The following AHSP variants were observed in gnomAD, a reference collection of about 807,000 sequenced individuals.
The protein encoded by AHSP is alpha-hemoglobin-stabilizing protein.
Under a neutral mutation model 2.7 loss-of-function variants are expected in AHSP, and 5 were observed. The ratio of observed to expected loss-of-function variants is 1.86; its 90% CI spans 0.97 to 3.92. AHSP has a LOEUF of 3.92. AHSP is among the 30% of genes most tolerant of loss of function. The probability of loss-of-function intolerance (pLI) is 0.00; values close to 1 mark genes in which losing one functional copy is unlikely to be tolerated. For synonymous variants in AHSP, 50 were observed against 48.4 expected (o/e 1.03, Z -0.14); for missense variants, 134 against 119.8 (o/e 1.12, Z -0.55).
chr16:31,527,957 C>T lies in AHSP; in HGVS notation c.-10C>T. The T allele has an allele frequency of 1.5e-6, 1 of 661,850 alleles. No individual in the cohort carries two copies. Among genetic ancestry groups the T allele is most frequent in the Non-Finnish European group, 2.8e-6 (1 of 363,528 alleles). 41.0% of individuals were successfully genotyped at this position (661,850 alleles called of 1,614,324 possible). ...GTGAGACATATACAGCCTGTTAGAC[C>T]TGAAGGTGAGCCCAACCTGGGAAAA... On this transcript the variant is annotated 5_prime_UTR_variant, in exon 1 of 3. Coordinates refer to ENST00000302312, the MANE Select transcript of AHSP (RefSeq NM_016633.4).
chr16:31,528,572 G>A lies in AHSP; in HGVS notation c.190G>A (p.Asp64Asn). Residue 64 changes from aspartate (D) to asparagine (N), a missense_variant, in exon 3 of 3, where the codon GAC becomes AAC. Transcript: ENST00000302312. Reference sequence around the variant, plus strand: ...GGTGACAGGGGAGCCCCAAGAGCGAGACAAGGCTCTGCAGGAGCTTCGGCA... The same window carrying A: ...GGTGACAGGGGAGCCCCAAGAGCGAAACAAGGCTCTGCAGGAGCTTCGGCA... ...QQVTGEPQER[D>N]KALQELRQEL... 1 of 1,614,144 alleles carries A rather than the reference G, an allele frequency of 6.2e-7. No homozygotes were observed. The highest frequency in any genetic ancestry group is 1.7e-5 in the Admixed American group (1 of 60,028).
chr16:31,528,214 G>C lies in AHSP; in HGVS notation c.75G>C (p.Gln25His). Residue 25 changes from glutamine to histidine, a missense_variant and splice_region_variant, in exon 2 of 3, where the codon CAG becomes CAC. By Grantham distance (24) the Gln-to-His change is conservative (BLOSUM62 0). Coordinates refer to ENST00000302312, the MANE Select transcript of AHSP (RefSeq NM_016633.4). ...LKEFSVLLNQ[Q>H]VFNDPLVSEE... ...AGTTCAGCGTTCTGCTGAATCAGCA[G>C]GTGAGTCCAAGCTTTCCATTTCAAA... The C allele has an allele frequency of 6.2e-7, 1 of 1,613,774 alleles. No individual in the cohort carries two copies.
rs952186764 is a variant in AHSP at position 31,528,449 on chromosome 16, A to C, written c.76-9A>C. 11 of 1,613,106 alleles carry C rather than the reference A, an allele frequency of 6.8e-6. No homozygotes were observed. In the Admixed American group the frequency reaches 1.5e-4, roughly 22 times the overall value. ...CTCCCTTGCCAACTGCCTCTCCGCA[A>C]CCCCCCAGGTCTTCAATGATCCTCT... On this transcript the variant is annotated splice_polypyrimidine_tract_variant and intron_variant, in intron 2 of 2. Coordinates refer to ENST00000302312, the MANE Select transcript of AHSP (RefSeq NM_016633.4).
At chr16:31,528,061 G>A in intron 1 of AHSP, 75 bp from the exon 2 acceptor site, 2 of 1,201,782 alleles carry the variant, frequency 1.7e-6, no homozygotes, top group Non-Finnish European at 1.2e-6. Flanking sequence ...ATTTTTAAGG[G>A]GAGGAAGTGG....
At position 31,528,561 on chromosome 16, in the gene AHSP, C is replaced by A; in HGVS notation, c.179C>A (p.Pro60His). Residue 60 changes from proline (P) to histidine (H), a missense_variant, in exon 3 of 3, where the codon CCC becomes CAC. Coordinates refer to ENST00000302312, the MANE Select transcript of AHSP (RefSeq NM_016633.4). ...TACAGGCAGCAGGTGACAGGGGAGC[C>A]CCAAGAGCGAGACAAGGCTCTGCAG... is the stretch of plus-strand genomic sequence containing the variant. ...NYYRQQVTGE[P>H]QERDKALQEL... The A allele has an allele frequency of 6.2e-7, 1 of 1,614,068 alleles. No homozygotes were observed. Among genetic ancestry groups the A allele is most frequent in the Non-Finnish European group, 8.5e-7 (1 of 1,180,018 alleles).
chr16:31,528,005 G>A (rs1303030774), intron 1 of AHSP, 43 bp downstream of exon 1: 14 of 771,012 alleles, frequency 1.8e-5, no homozygotes, highest in Non-Finnish European at 3.2e-5. Flanking sequence ...AGCAGGGCAG[G>A]ATGTGAAAGG....
In AHSP at chr16:31,528,756, C is replaced by A. The variant is rs2082745539; in HGVS notation, c.*65C>A. On this transcript the variant is annotated 3_prime_UTR_variant, in exon 3 of 3. Transcript: ENST00000302312. ...TTCATGTCCTTAGGCTGTGCTCCTG[C>A]CACTCTACCCTGACACCTCAATAAA... 9 of 1,394,940 alleles carry A rather than the reference C, an allele frequency of 6.5e-6. No homozygotes were observed. In the South Asian group the frequency reaches 1.1e-4, roughly 17 times the overall value. 86.4% of individuals were successfully genotyped at this position (1,394,940 alleles called of 1,614,324 possible).
At chr16:31,528,353 A>G in intron 2 of AHSP, 105 bp from the exon 3 acceptor site, 1 of 1,306,598 alleles carries the variant, frequency 7.7e-7, no homozygotes, top group Non-Finnish European at 1.1e-6. Context: ...TACAATGCAG[A>G]GGAAAGAGAA....
Position 31,528,708 on chromosome 16 carries a change from CT to C in AHSP, c.*18del. On this transcript the variant is annotated 3_prime_UTR_variant, in exon 3 of 3. Coordinates refer to ENST00000302312, the MANE Select transcript of AHSP (RefSeq NM_016633.4). ...TCCTCCTAGCTCAGGGACCCAGCCC[CT>C]CCTCTCTGAGAAACTCTGACCTTCA... The C allele has an allele frequency of 1.2e-6, 2 of 1,603,378 alleles. No homozygotes were observed. The highest frequency in any genetic ancestry group is 8.5e-7 in the Non-Finnish European group (1 of 1,175,412).
Position 31,528,407 on chromosome 16 carries a change from C to A in AHSP, c.76-51C>A, listed in dbSNP as rs777042653. Reference sequence around the variant, plus strand: ...GGCACTATTCTAGTATTCCCGAATCCCATTGCTGACCACATTCTCCCTTGC... The same window carrying A: ...GGCACTATTCTAGTATTCCCGAATCACATTGCTGACCACATTCTCCCTTGC... On this transcript the variant is annotated intron_variant, in intron 2 of 2. Coordinates refer to ENST00000302312, the MANE Select transcript of AHSP (RefSeq NM_016633.4). 1.2e-5 allele frequency: 18 copies of A among 1,510,692 alleles called. 1 individual carries two copies. The Admixed American group carries it at 3.0e-4, about 25-fold the overall frequency. The allele number at this position is 1,510,692 out of a possible 1,614,324, so 93.6% of individuals were successfully genotyped here.
At chr16:31,527,985 G>C (rs1219445733) in intron 1 of AHSP, 23 bp downstream of exon 1, 3 of 705,912 alleles carry the variant, frequency 4.2e-6, no homozygotes, top group African/African-American at 1.8e-5. Context: ...TGGGAAAATC[G>C]TGACCTCAGA....
intron 1 of AHSP, 53 bp downstream of exon 1, chr16:31,528,015 G>C: frequency 3.6e-6 from 3 of 840,796 alleles, no homozygotes; most frequent in Non-Finnish European, 6.0e-6. Context: ...GATGTGAAAG[G>C]TTTTGGAAAG....
Position 31,528,711 on chromosome 16 carries a change from C to T in AHSP, c.*20C>T, listed in dbSNP as rs372220161. The T allele has an allele frequency of 5.2e-5, 83 of 1,598,798 alleles. No individual in the cohort carries two copies. The highest frequency in any genetic ancestry group is 4.3e-4 in the South Asian group (39 of 89,736). The stretch of plus-strand genomic sequence containing the variant: ...TCCTAGCTCAGGGACCCAGCCCCTC[C>T]TCTCTGAGAAACTCTGACCTTCATG... On this transcript the variant is annotated 3_prime_UTR_variant, in exon 3 of 3. Coordinates refer to ENST00000302312, the MANE Select transcript of AHSP (RefSeq NM_016633.4).
rs548457844 is a variant in AHSP at position 31,528,556 on chromosome 16, G to A, written c.174G>A (p.Gly58=). 1 of 1,614,148 alleles carries A rather than the reference G, an allele frequency of 6.2e-7. No homozygotes were observed. Among genetic ancestry groups the A allele is most frequent in the Non-Finnish European group, 8.5e-7 (1 of 1,180,046 alleles). The change falls in exon 3 of 3, where the codon GGG becomes GGA. Residue 58 remains glycine (G), a synonymous_variant. Transcript: ENST00000302312. Reference sequence around the variant, plus strand: ...ACTATTACAGGCAGCAGGTGACAGGGGAGCCCCAAGAGCGAGACAAGGCTC... The same window carrying A: ...ACTATTACAGGCAGCAGGTGACAGGAGAGCCCCAAGAGCGAGACAAGGCTC... ...YINYYRQQVT[G]EPQERDKALQ...
In AHSP at chr16:31,528,595, G is replaced by T. The variant is rs760576682; in HGVS notation, c.213G>T (p.Arg71=). 1.0e-4 allele frequency: 162 copies of T among 1,613,982 alleles called. 1 individual carries two copies. The South Asian group carries it at 1.1e-3, about 11-fold the overall frequency. ...GAGACAAGGCTCTGCAGGAGCTTCG[G>T]CAAGAGCTGAACACTCTGGCCAACC... is the stretch of plus-strand genomic sequence containing the variant. ...QERDKALQEL[R]QELNTLANPF... The change falls in exon 3 of 3, where the codon CGG becomes CGT. Residue 71 remains arginine (R), a synonymous_variant. Coordinates refer to ENST00000302312, the MANE Select transcript of AHSP (RefSeq NM_016633.4).
At position 31,528,675 on chromosome 16, in the gene AHSP, C is replaced by T. The variant is rs779043053; in HGVS notation, c.293C>T (p.Pro98Leu). The T allele has an allele frequency of 1.4e-5, 23 of 1,612,770 alleles. No homozygotes were observed. The highest frequency in any genetic ancestry group is 1.8e-5 in the Non-Finnish European group (21 of 1,179,932). Residue 98 changes from proline (P) to leucine (L), a missense_variant, in exon 3 of 3, where the codon CCA becomes CTA. Physicochemically the swap from Pro to Leu is moderately conservative, Grantham distance 98. Transcript: ENST00000302312. Reference sequence around the variant, plus strand: ...AAGTCTCATGAGCTCCCGAGTCACCCACCGCCCTCCTCCTAGCTCAGGGAC... The same window carrying T: ...AAGTCTCATGAGCTCCCGAGTCACCTACCGCCCTCCTCCTAGCTCAGGGAC... ...FLKSHELPSHPPPSS is the reference protein window; with the variant it reads ...FLKSHELPSHLPPSS
chr16:31,528,518 A>G lies in AHSP; in HGVS notation c.136A>G (p.Asn46Asp), dbSNP rs766420633. ...DMVTVVEDWM[N>D]FYINYYRQQV... ...GGTGACTGTGGTGGAGGACTGGATG[A>G]ACTTCTACATCAACTATTACAGGCA... The change falls in exon 3 of 3, where the codon AAC becomes GAC. Residue 46 changes from asparagine to aspartate, a missense_variant. Asn to Asp is a conservative substitution (Grantham distance 23, BLOSUM62 1). Coordinates refer to ENST00000302312, the MANE Select transcript of AHSP (RefSeq NM_016633.4). 7 of 1,614,158 alleles carry G rather than the reference A, an allele frequency of 4.3e-6. No homozygotes were observed. The Admixed American group carries it at 1.0e-4, about 23-fold the overall frequency.
In AHSP at chr16:31,528,464, A is replaced by G; in HGVS notation, c.82A>G (p.Asn28Asp). Residue 28 changes from asparagine to aspartate, a missense_variant, in exon 3 of 3, where the codon AAT becomes GAT. Physicochemically the swap from Asn to Asp is conservative, Grantham distance 23 (BLOSUM62 1). Transcript: ENST00000302312. Reference sequence around the variant, plus strand: ...CCTCTCCGCAACCCCCCAGGTCTTCAATGATCCTCTCGTCTCTGAAGAAGA... The same window carrying G: ...CCTCTCCGCAACCCCCCAGGTCTTCGATGATCCTCTCGTCTCTGAAGAAGA... ...FSVLLNQQVF[N>D]DPLVSEEDMV... 2 of 1,614,098 alleles carry G rather than the reference A, an allele frequency of 1.2e-6. No individual in the cohort carries two copies. Among genetic ancestry groups the G allele is most frequent in the Non-Finnish European group, 1.7e-6 (2 of 1,179,970 alleles).
chr16:31,528,175 C>T lies in AHSP; in HGVS notation c.36C>T (p.Ser12=), dbSNP rs775948415. ...TTAAGGCCAATAAGGATCTCATTTCCGCAGGATTGAAGGAGTTCAGCGTTC... is the reference window on the plus strand; with the variant it reads ...TTAAGGCCAATAAGGATCTCATTTCTGCAGGATTGAAGGAGTTCAGCGTTC... ...ALLKANKDLI[S]AGLKEFSVLL... The change falls in exon 2 of 3, where the codon TCC becomes TCT. Residue 12 remains serine (S), a synonymous_variant. Transcript: ENST00000302312. 1.2e-6 allele frequency: 2 copies of T among 1,614,018 alleles called. No individual in the cohort carries two copies. The highest frequency in any genetic ancestry group is 1.7e-6 in the Non-Finnish European group (2 of 1,180,012).
Sources: allele counts gnomAD v4.1 joint callset, GRCh38; gene constraint gnomAD v4.1.1; transcripts MANE v1.5; gene names NCBI Gene and HGNC (gene_info 2026-07-23, HGNC 2026-07-21).